The following NF2 variants were observed in gnomAD, a reference collection of about 807,000 sequenced individuals.
The protein encoded by NF2 is merlin.
NF2 carries 8 observed loss-of-function variants against 83.7 expected under a neutral mutation model. The observed-to-expected ratio is 0.10, with a 90% confidence interval of 0.06 to 0.17. The LOEUF is 0.17. Ranked by LOEUF, NF2 falls within the 10% of genes least tolerant of loss-of-function variation. NF2 has a pLI of 1.00. For synonymous variants in NF2, 266 were observed against 269.6 expected, an observed-to-expected ratio of 0.99 and a Z score of 0.13; for missense variants, 533 against 744.4, an observed-to-expected ratio of 0.72 and a Z score of 3.31.
chr22:29,660,104 A>G (rs1240220412), intron 7 of NF2, among the ~76,000 whole-genome samples: 2 of 152,142 alleles, frequency 1.3e-5, no homozygotes, highest in Admixed American at 1.3e-4. Flanking sequence ...ATCCTTGTGC[A>G]GCGAGTTTCC....
At chr22:29,674,776 G>C in intron 12 of NF2, 60 bp from the exon 13 acceptor site, 1 of 1,456,294 alleles carries the variant, frequency 6.9e-7, no homozygotes, top group South Asian at 1.2e-5. Context: ...GGGTGGGGTG[G>C]TGTCTTTTCC....
At chr22:29,645,506 A>T (rs1364726305) in intron 4 of NF2, among the ~76,000 whole-genome samples, 1 of 152,234 alleles carries the variant, frequency 6.6e-6, no homozygotes, top group Admixed American at 6.5e-5. Flanking sequence ...TTGATCAAGA[A>T]TATTAGTAAG....
At chr22:29,658,554 G>A (rs2066382537) in intron 7 of NF2, among the ~76,000 whole-genome samples, 1 of 151,990 alleles carries the variant, frequency 6.6e-6, no homozygotes, top group Non-Finnish European at 1.5e-5. Flanking sequence ...ATTATTTCTG[G>A]CTCTGTGAGA....
At chr22:29,659,470 G>C (rs2066412573) in intron 7 of NF2, among the ~76,000 whole-genome samples, 1 of 152,154 alleles carries the variant, frequency 6.6e-6, no homozygotes, top group Non-Finnish European at 1.5e-5. Context: ...GGCTGAAAAG[G>C]TTTCTTATTA....
chr22:29,618,826 C>T lies in NF2; in HGVS notation c.114+14714C>T, dbSNP rs142835586. Among the ~76,000 whole-genome samples, 243 of 152,208 alleles carry T rather than the reference C, an allele frequency of 1.6e-3. 1 individual carries two copies. The highest frequency in any genetic ancestry group is 5.0e-3 in the African/African-American group (206 of 41,522). The stretch of plus-strand genomic sequence containing the variant: ...CAGATCATTCCAGCATACAAGTGGA[C>T]GTAAGTTGTCCATAACAGAAGGAAC... On this transcript the variant is annotated intron_variant, in intron 1 of 15. Transcript: ENST00000338641.
chr22:29,674,699 G>T, intron 12 of NF2, 137 bp from the exon 13 acceptor site: 1 of 727,468 alleles, frequency 1.4e-6, no homozygotes, highest in South Asian at 1.5e-5. Context: ...AAATATCCCT[G>T]TCTCACTGTC....
Position 29,694,946 on chromosome 22 carries a change from C to G in NF2, c.*144C>G. ...GAACTTTCCCCAGCTGAGTGAAGAG[C>G]CCAGCCCCTCTTATGTGCAATTGCC... On this transcript the variant is annotated 3_prime_UTR_variant, in exon 16 of 16. Transcript: ENST00000338641. The surrounding 1 kb of genome is among the most constrained non-coding windows in gnomAD (Gnocchi z 4.1). 1 of 805,686 alleles carries G rather than the reference C, an allele frequency of 1.2e-6. No individual in the cohort carries two copies. The highest frequency in any genetic ancestry group is 2.1e-6 in the Non-Finnish European group (1 of 476,380). 49.9% of individuals were successfully genotyped at this position (805,686 alleles called of 1,614,324 possible).
chr22:29,663,438 T>TA (rs1292860172), intron 8 of NF2, among the ~76,000 whole-genome samples: 9 of 152,186 alleles, frequency 5.9e-5, no homozygotes, highest in African/African-American at 2.2e-4. Context: ...ATAAAAGAAG[T>TA]AGTCTTGGTA....
At chr22:29,688,633 T>C (rs935322782) in intron 15 of NF2, among the ~76,000 whole-genome samples, 1 of 152,174 alleles carries the variant, frequency 6.6e-6, no homozygotes, top group African/African-American at 2.4e-5. Flanking sequence ...GCAAAGCAGG[T>C]AGACAGGTTT....
At chr22:29,669,492 G>A (rs1320347283) in intron 10 of NF2, among the ~76,000 whole-genome samples, 2 of 152,306 alleles carry the variant, frequency 1.3e-5, no homozygotes, top group Non-Finnish European at 2.9e-5. Context: ...GGGTGACCAA[G>A]CAAGACCCTG....
rs758838312 is a variant in NF2 at position 29,665,073 on chromosome 22, A to C, written c.885+9A>C. On this transcript the variant is annotated intron_variant, in intron 9 of 15. Coordinates refer to ENST00000338641, the MANE Select transcript of NF2 (RefSeq NM_000268.4). The stretch of plus-strand genomic sequence containing the variant: ...TTCGTGTTAATAAGCTGGTAAGTTG[A>C]GATCCTGGTTTTCATTACTGATAAT... The C allele has an allele frequency of 3.7e-6, 6 of 1,606,496 alleles. No homozygotes were observed. In the South Asian group the frequency reaches 6.6e-5, roughly 18 times the overall value.
chr22:29,680,390 G>A lies in NF2; in HGVS notation c.1575-1049G>A, dbSNP rs12628735. 9.8e-5 allele frequency among the ~76,000 whole-genome samples: 15 copies of A among 152,342 alleles called. No homozygotes were observed. In the East Asian group the frequency reaches 2.3e-3, roughly 24 times the overall value. On this transcript the variant is annotated intron_variant, in intron 14 of 15. Coordinates refer to ENST00000338641, the MANE Select transcript of NF2 (RefSeq NM_000268.4). ...CTCCCAAAGTGTTGGGATTACAGGC[G>A]TGAGCCACCACACCCAGCCGGTGAT...
At chr22:29,641,066 G>A (rs1473790260) in intron 3 of NF2, among the ~76,000 whole-genome samples, 3 of 152,214 alleles carry the variant, frequency 2.0e-5, no homozygotes, top group South Asian at 2.1e-4. Context: ...CCGGGAGGTG[G>A]AGGTTGCAGT....
chr22:29,654,326 G>A (rs2066237332), intron 4 of NF2, among the ~76,000 whole-genome samples: 1 of 152,194 alleles, frequency 6.6e-6, no homozygotes, highest in African/African-American at 2.4e-5. Context: ...TCACAGTTGT[G>A]ATTTGGTGTT....
rs2067189038 is a variant in NF2, at chr22:29,683,129, A to T, written c.1737+1528A>T. On this transcript the variant is annotated intron_variant, in intron 15 of 15. Transcript: ENST00000338641. ...TGCCCTCTGTGATACTAACCCGTGCATGAGCTTGCCTGTCTCTGTCCTCGG... is the reference window on the plus strand; with the variant it reads ...TGCCCTCTGTGATACTAACCCGTGCTTGAGCTTGCCTGTCTCTGTCCTCGG... The T allele has an allele frequency of 5.6e-6, 9 of 1,614,014 alleles. No homozygotes were observed. The South Asian group carries it at 8.8e-5, about 16-fold the overall frequency.
At chr22:29,669,360 A>G (rs769789479) in intron 10 of NF2, among the ~76,000 whole-genome samples, 1 of 152,118 alleles carries the variant, frequency 6.6e-6, no homozygotes, top group Non-Finnish European at 1.5e-5. Context: ...AGTTTCATGA[A>G]GAGCTCGTGG....
At chr22:29,621,745 T>TCTCAGCCTCTCCTCCACTTC (rs1411821998) in intron 1 of NF2, among the ~76,000 whole-genome samples, 2 of 152,272 alleles carry the variant, frequency 1.3e-5, no homozygotes, top group East Asian at 3.9e-4. Flanking sequence ...TTGCTCCCTT[T>TCTCAGCCTCTCCTCCACTTC]CTCAGCCTCT....
chr22:29,619,658 G>A (rs533967982), intron 1 of NF2, among the ~76,000 whole-genome samples: 3 of 151,966 alleles, frequency 2.0e-5, no homozygotes, highest in East Asian at 1.9e-4. Context: ...GCCTCCCAAA[G>A]TGCTGGGATT....
intron 15 of NF2, chr22:29,683,742 C>T: frequency 9.4e-7 from 1 of 1,068,152 alleles, no homozygotes. Context: ...TCAGAGTGAA[C>T]TCACATTGGA....
Sources: gnomAD v4.1 joint callset for allele counts (sites outside exome capture counted in the v4.1 genomes callset) on GRCh38, gnomAD v4.1.1 for gene constraint, Gnocchi (gnomAD v3.1) non-coding constraint, MANE v1.5 for transcripts, NCBI Gene and HGNC (gene_info 2026-07-23, HGNC 2026-07-21) for gene names.